The following NISCH variants were observed in gnomAD, a reference collection of about 807,000 sequenced individuals.
NISCH encodes the protein nischarin.
In NISCH, 55 loss-of-function variants were observed where a neutral mutation model predicts 138.4. That is an observed-to-expected ratio of 0.40 (90% confidence interval 0.32 to 0.50). The LOEUF (loss-of-function observed/expected upper bound fraction) is 0.50. Among genes scored for constraint, NISCH ranks in the 20% least tolerant of loss-of-function variants. The pLI is 0.71. For missense variants in NISCH, 1,643 were observed against 2,005.5 expected, an observed-to-expected ratio of 0.82 and a Z score of 3.45; for synonymous variants, 860 against 861.5, an observed-to-expected ratio of 1.00 and a Z score of 0.03.
intron 15 of NISCH, 72 bp downstream of exon 15, chr3:52,485,899 G>A (rs1707390591): frequency 1.4e-6 from 2 of 1,446,882 alleles, no homozygotes; most frequent in Admixed American, 4.0e-5. Flanking sequence ...TGTGGGCCAG[G>A]GGTGGCCAGT....
At chr3:52,458,950 C>A (rs745574195) in intron 3 of NISCH, 106 bp downstream of exon 3, 25 of 958,816 alleles carry the variant, frequency 2.6e-5, no homozygotes, top group Admixed American at 2.2e-4. Context: ...TGGGGTTTGA[C>A]CCTAGGTTAG....
At chr3:52,488,710 G>T in intron 16 of NISCH, 105 bp downstream of exon 16, 1 of 1,010,012 alleles carries the variant, frequency 9.9e-7, no homozygotes, top group South Asian at 1.7e-5. Context: ...GCGAGAGCTG[G>T]GCCCCCTCCC....
At chr3:52,477,072 G>T (rs1707117403) in intron 8 of NISCH, among the ~76,000 whole-genome samples, 1 of 152,168 alleles carries the variant, frequency 6.6e-6, no homozygotes, top group African/African-American at 2.4e-5. Flanking sequence ...TAAAATTGGT[G>T]AGGTAGTACT....
intron 12 of NISCH, 66 bp downstream of exon 12, chr3:52,479,928 G>A: frequency 7.7e-7 from 1 of 1,293,448 alleles, no homozygotes; most frequent in Non-Finnish European, 1.1e-6. Context: ...CCAGTTTGGG[G>A]GGCTTGGGCC....
intron 3 of NISCH, among the ~76,000 whole-genome samples, chr3:52,464,822 C>T (rs910424148): frequency 6.6e-6 from 1 of 152,004 alleles, no homozygotes; most frequent in Non-Finnish European, 1.5e-5. Flanking sequence ...CCACATCCGG[C>T]CTGCCCAGCT....
rs144392121 is a variant in NISCH at position 52,488,178 on chromosome 3, G to A, written c.2686G>A (p.Ala896Thr). The A allele has an allele frequency of 2.0e-5, 33 of 1,613,156 alleles. No homozygotes were observed. In the African/African-American group the frequency reaches 2.3e-4, roughly 11 times the overall value. The stretch of plus-strand genomic sequence containing the variant: ...TTCAGCCGTGCGGCGCTCCTGCTGC[G>A]CGCCCTCTGAGGCCGTCAAGTCCGC... ...LCSAVRRSCC[A>T]PSEAVKSAAI... The change falls in exon 16 of 21, where the codon GCG becomes ACG. Residue 896 changes from alanine to threonine, a missense_variant. Transcript: ENST00000345716.
intron 3 of NISCH, among the ~76,000 whole-genome samples, chr3:52,464,360 G>A (rs1051353278): frequency 1.3e-5 from 2 of 151,772 alleles, no homozygotes; most frequent in Non-Finnish European, 2.9e-5. Context: ...CCACACCACT[G>A]CACTCCAGCC....
At chr3:52,480,610 G>C (rs1707244898) in intron 13 of NISCH, 2 of 1,429,192 alleles carry the variant, frequency 1.4e-6, no homozygotes, top group East Asian at 5.1e-5. Flanking sequence ...TGGCTCATGG[G>C]ACCCATTCCC....
chr3:52,481,542 G>T lies in NISCH; in HGVS notation c.1528+1247G>T, dbSNP rs151000162. Reference sequence around the variant, plus strand: ...TGCCTCCTGTAGCGCAGCCAAGCGAGCCTGTGGAGGTACCATATGACTGTA... The same window carrying T: ...TGCCTCCTGTAGCGCAGCCAAGCGATCCTGTGGAGGTACCATATGACTGTA... On this transcript the variant is annotated intron_variant, in intron 13 of 20. Transcript: ENST00000345716. The T allele has an allele frequency of 1.7e-3, 1,686 of 985,520 alleles. 27 individuals are homozygous for T. The African/African-American group carries it at 0.027, about 16-fold the overall frequency. 61.0% of individuals were successfully genotyped at this position (985,520 alleles called of 1,614,324 possible).
rs1402298817 is a variant in NISCH, at chr3:52,479,731, A to G, written c.1303-18A>G. 1 of 1,591,092 alleles carries G rather than the reference A, an allele frequency of 6.3e-7. No individual in the cohort carries two copies. ...ATCACCAGTCCCCATGCTGATAGCC[A>G]CTTTCTGGATGCTCTAGGTCTGTCT... On this transcript the variant is annotated intron_variant, in intron 11 of 20. Transcript: ENST00000345716.
intron 12 of NISCH, 114 bp downstream of exon 12, chr3:52,479,976 C>T (rs913705718): frequency 5.0e-6 from 5 of 997,594 alleles, no homozygotes; most frequent in Middle Eastern, 6.0e-4. Flanking sequence ...CAGCTGCGCC[C>T]CTCCCTGGCT....
At position 52,489,470 on chromosome 3, in the gene NISCH, C is replaced by A; in HGVS notation, c.3248C>A (p.Ser1083Ter). 1 of 1,605,742 alleles carries A rather than the reference C, an allele frequency of 6.2e-7. No individual in the cohort carries two copies. The highest frequency in any genetic ancestry group is 8.5e-7 in the Non-Finnish European group (1 of 1,173,146). ...KTPAPAEAST[S>*]ALVPEETPVE... ...CCGGCCCCAGCAGAGGCCTCAACTT[C>A]AGCTTTGGTCCCAGAGGAGACGCCA... The change falls in exon 17 of 21, where the codon TCA (serine) becomes TAA (stop). Residue 1083 changes from serine (S) to a stop codon, truncating the protein, a stop_gained. Coordinates refer to ENST00000345716, the MANE Select transcript of NISCH (RefSeq NM_007184.4). LOFTEE classifies it high-confidence loss of function.
rs776519242 is a variant in NISCH at position 52,471,770 on chromosome 3, G to A, written c.410-44G>A. The A allele has an allele frequency of 4.3e-6, 7 of 1,610,040 alleles. No individual in the cohort carries two copies. In the East Asian group the frequency reaches 1.6e-4, roughly 36 times the overall value. On this transcript the variant is annotated intron_variant, in intron 4 of 20. Transcript: ENST00000345716. ...GGAAATCCTGGCTGCACGAGGGCTG[G>A]GGCTGCGGCTGGACACTTATCCTTC...
intron 7 of NISCH, among the ~76,000 whole-genome samples, chr3:52,474,214 A>C (rs1707033495): frequency 6.6e-6 from 1 of 152,140 alleles, no homozygotes; most frequent in Non-Finnish European, 1.5e-5. Flanking sequence ...CCTGGGGTCA[A>C]GCGATTCTCC....
rs1312570570 is a variant in NISCH at position 52,490,091 on chromosome 3, T to C, written c.3473T>C (p.Leu1158Pro). ...CGTCTTCAGGTTGAAAACGAGGAGC[T>C]GAGGCACCTCATGTGGTCCTCGGTG... ...SSIAEVENEE[L>P]RHLMWSSVVF... Residue 1158 changes from leucine to proline, a missense_variant, in exon 18 of 21, where the codon CTG (leucine) becomes CCG (proline). Transcript: ENST00000345716. 6.2e-7 allele frequency: 1 copy of C among 1,613,518 alleles called. No homozygotes were observed.
chr3:52,468,115 C>T (rs571137406), intron 3 of NISCH, among the ~76,000 whole-genome samples: 115 of 152,178 alleles, frequency 7.6e-4, no homozygotes, highest in African/African-American at 2.7e-3. Context: ...AAAAATTAGC[C>T]GGGTGTGGTG....
chr3:52,476,152 G>A, intron 7 of NISCH: 1 of 347,550 alleles, frequency 2.9e-6, no homozygotes, highest in Non-Finnish European at 5.5e-6. Flanking sequence ...AAGAGAAAAG[G>A]CTAGAAAAGG....
intron 3 of NISCH, among the ~76,000 whole-genome samples, chr3:52,459,658 T>G (rs1240125206): frequency 6.6e-6 from 1 of 151,934 alleles, no homozygotes; most frequent in African/African-American, 2.4e-5. Flanking sequence ...GGTCTGGAAC[T>G]CCTGACCTCA....
At position 52,479,688 on chromosome 3, in the gene NISCH, G is replaced by C. The variant is rs996904211; in HGVS notation, c.1303-61G>C. ...GTCCCCATGCTGATAGCCATCACCA[G>C]TCCCCATGCTGATAGCCATCACCAG... On this transcript the variant is annotated intron_variant, in intron 11 of 20. Coordinates refer to ENST00000345716, the MANE Select transcript of NISCH (RefSeq NM_007184.4). 4.2e-6 allele frequency: 5 copies of C among 1,195,934 alleles called. No individual in the cohort carries two copies. The East Asian group carries it at 7.3e-5, about 18-fold the overall frequency. 74.1% of individuals were successfully genotyped at this position (1,195,934 alleles called of 1,614,324 possible).
Sources: allele counts gnomAD v4.1 joint callset (sites outside exome capture counted in the v4.1 genomes callset), GRCh38; gene constraint gnomAD v4.1.1; transcripts MANE v1.5; gene names NCBI Gene and HGNC (gene_info 2026-07-23, HGNC 2026-07-21).